The following PIK3C2G variants were observed in gnomAD, a reference collection of about 807,000 sequenced individuals.
The protein encoded by PIK3C2G is phosphatidylinositol-4-phosphate 3-kinase catalytic subunit type 2 gamma.
Under a neutral mutation model 181.1 loss-of-function variants are expected in PIK3C2G, and 168 were observed. The observed-to-expected ratio is 0.93, with a 90% CI of 0.82 to 1.05. The LOEUF is 1.05. Among genes scored for constraint, PIK3C2G ranks in the 50% least tolerant of loss-of-function variants. The pLI is 0.00. For synonymous variants in PIK3C2G, 573 were observed against 592.2 expected, an observed-to-expected ratio of 0.97 and a Z score of 0.47; for missense variants, 1,869 against 1,732.8, an observed-to-expected ratio of 1.08 and a Z score of -1.40.
chr12:18,477,701 T>C (rs548424471), intron 18 of PIK3C2G, among the ~76,000 whole-genome samples: 1 of 152,320 alleles, frequency 6.6e-6, no homozygotes, highest in Middle Eastern at 3.4e-3. Context: ...CCAGATCTTA[T>C]GGATAATGTC....
intron 15 of PIK3C2G, among the ~76,000 whole-genome samples, chr12:18,394,886 T>G (rs1943760095): frequency 6.6e-6 from 1 of 151,740 alleles, no homozygotes; most frequent in Admixed American, 6.6e-5. Context: ...ATTAAGGAGA[T>G]GGCCAAATTT....
At chr12:18,723,348 A>G in the PIK3C2G span, 1 of 1,612,690 alleles carries the variant, frequency 6.2e-7, no homozygotes, top group Non-Finnish European at 8.5e-7. Context: ...TGATCTCAAA[A>G]GCAATAGCTT....
At chr12:18,306,438 C>CA (rs140444598) in intron 5 of PIK3C2G, among the ~76,000 whole-genome samples, 25,970 of 151,846 alleles carry the variant, frequency 0.17, 2,561 homozygotes, top group East Asian at 0.46. Context: ...CACTTGAAGA[C>CA]AAAATAACAA....
chr12:18,631,577 G>A (rs948298307), intron 31 of PIK3C2G, among the ~76,000 whole-genome samples: 1 of 151,934 alleles, frequency 6.6e-6, no homozygotes, highest in Admixed American at 6.6e-5. Context: ...GTACACCAGT[G>A]GTATATAGAA....
intron 28 of PIK3C2G, among the ~76,000 whole-genome samples, chr12:18,566,604 TA>T (rs1487183503): frequency 1.3e-5 from 2 of 152,194 alleles, no homozygotes; most frequent in East Asian, 3.9e-4. Context: ...TGAACCTTTT[TA>T]AAAATTTTGA....
At chr12:18,585,051 TATAGAA>T (rs1304121003) in intron 29 of PIK3C2G, among the ~76,000 whole-genome samples, 1 of 151,898 alleles carries the variant, frequency 6.6e-6, no homozygotes, top group Non-Finnish European at 1.5e-5. Context: ...GAGCACTAAA[TATAGAA>T]AGGAAGCATT....
intron 13 of PIK3C2G, among the ~76,000 whole-genome samples, chr12:18,378,671 AAAAC>A (rs1323579821): frequency 4.6e-5 from 7 of 152,238 alleles, no homozygotes; most frequent in South Asian, 2.1e-4. Context: ...TTACAAGAAA[AAAAC>A]AAACAACCCC....
At chr12:18,261,984 C>G (rs753277467) in intron 1 of PIK3C2G, among the ~76,000 whole-genome samples, 7 of 152,006 alleles carry the variant, frequency 4.6e-5, no homozygotes, top group Non-Finnish European at 1.0e-4. Context: ...GAATCTCGTG[C>G]CACTAGCTTG....
intron 5 of PIK3C2G, among the ~76,000 whole-genome samples, chr12:18,296,917 G>T (rs1483403734): frequency 6.6e-6 from 1 of 152,012 alleles, no homozygotes; most frequent in Non-Finnish European, 1.5e-5. Context: ...GAAATCATCT[G>T]CTTCATTCAA....
the PIK3C2G span, among the ~76,000 whole-genome samples, chr12:18,722,513 G>A: frequency 4.7e-4 from 71 of 152,082 alleles, no homozygotes; most frequent in Middle Eastern, 3.4e-3. Flanking sequence ...ACTTTCATAC[G>A]CCCCTCCTAG....
chr12:18,540,597 A>G (rs1428142810), intron 25 of PIK3C2G, among the ~76,000 whole-genome samples: 1 of 151,924 alleles, frequency 6.6e-6, no homozygotes, highest in African/African-American at 2.4e-5. Flanking sequence ...ATTTAAAAGA[A>G]GTAACTGTGG....
chr12:18,644,783 T>A (rs1950029711), intron 32 of PIK3C2G, among the ~76,000 whole-genome samples: 1 of 152,176 alleles, frequency 6.6e-6, no homozygotes. Flanking sequence ...TTCCTACCTG[T>A]CTCCTCCCAC....
chr12:18,301,434 G>T (rs1950171839), intron 5 of PIK3C2G, among the ~76,000 whole-genome samples: 1 of 151,930 alleles, frequency 6.6e-6, no homozygotes, highest in Non-Finnish European at 1.5e-5. Context: ...GTCTGACTGG[G>T]TTATTTCAAA....
intron 30 of PIK3C2G, among the ~76,000 whole-genome samples, chr12:18,596,461 C>A (rs1947367452): frequency 6.6e-6 from 1 of 151,872 alleles, no homozygotes; most frequent in Admixed American, 6.6e-5. Flanking sequence ...TTAATATAGC[C>A]CACATACCAA....
intron 11 of PIK3C2G, among the ~76,000 whole-genome samples, chr12:18,348,327 C>T (rs181710779): frequency 0.013 from 2,020 of 151,308 alleles, 28 homozygotes; most frequent in Non-Finnish European, 0.019. Flanking sequence ...TGTGCATTTA[C>T]GCGTGTGTGT....
chr12:18,495,866 G>C (rs528324834), intron 20 of PIK3C2G, among the ~76,000 whole-genome samples, 196 bp from the exon 21 acceptor site: 28 of 152,130 alleles, frequency 1.8e-4, no homozygotes, highest in Middle Eastern at 3.4e-3. Context: ...CAAAGTAAAG[G>C]CTCCAGTTGA....
chr12:18,432,418 G>T lies in PIK3C2G; in HGVS notation c.2504+8379G>T, dbSNP rs1946213554. Among the ~76,000 whole-genome samples the T allele has an allele frequency of 2.0e-5, 3 of 152,130 alleles. 1 individual carries two copies. Among genetic ancestry groups the T allele is most frequent in the African/African-American group, 7.2e-5 (3 of 41,430 alleles). On this transcript the variant is annotated intron_variant, in intron 18 of 32. Coordinates refer to ENST00000538779, the MANE Select transcript of PIK3C2G (RefSeq NM_001288772.2). ...ACTGAGCTTCCTAATCCACTGTCCA[G>T]CAATTTTTCATTATAATAACCACAT...
At chr12:18,450,891 G>A (rs1050466174) in intron 18 of PIK3C2G, among the ~76,000 whole-genome samples, 2 of 152,058 alleles carry the variant, frequency 1.3e-5, no homozygotes, top group Non-Finnish European at 2.9e-5. Context: ...GGTAGTAGAC[G>A]TGTGGTGTTA....
the PIK3C2G span, among the ~76,000 whole-genome samples, chr12:18,703,474 A>G: frequency 6.6e-6 from 1 of 152,224 alleles, no homozygotes; most frequent in Admixed American, 6.5e-5. Flanking sequence ...TCGATGGTGC[A>G]TGACCATTGC....
Sources: allele counts gnomAD v4.1 joint callset (sites outside exome capture counted in the v4.1 genomes callset), GRCh38; gene constraint gnomAD v4.1.1; transcripts MANE v1.5; gene names NCBI Gene and HGNC (gene_info 2026-07-23, HGNC 2026-07-21).